LRRC4C: variants seen among roughly 807,000 people sequenced by gnomAD.
LRRC4C encodes leucine rich repeat containing 4C.
In LRRC4C, 5 loss-of-function variants were observed where a neutral mutation model predicts 33.6. That is an observed-to-expected ratio of 0.15 (90% CI 0.08 to 0.31). The LOEUF is 0.31. Among genes scored for constraint, LRRC4C ranks in the 10% least tolerant of loss-of-function variants. LRRC4C has a pLI of 1.00. For missense variants in LRRC4C, 560 were observed against 796.7 expected, an observed-to-expected ratio of 0.70 and a Z score of 3.58; for synonymous variants, 329 against 302.0, an observed-to-expected ratio of 1.09 and a Z score of -0.93.
At chr11:40,458,034 T>C (rs917130319) in intron 3 of LRRC4C, among the ~76,000 whole-genome samples, 1 of 152,170 alleles carries the variant, frequency 6.6e-6, no homozygotes, top group African/African-American at 2.4e-5. Flanking sequence ...AAAAGTGGTT[T>C]GTGCAACTTC....
chr11:40,961,721 A>C (rs981243459), intron 1 of LRRC4C, among the ~76,000 whole-genome samples: 7 of 151,632 alleles, frequency 4.6e-5, no homozygotes, highest in Non-Finnish European at 5.9e-5. Flanking sequence ...TGAGTGGGGG[A>C]AATTTCTGTT....
chr11:40,476,167 A>T (rs991604527), intron 3 of LRRC4C, among the ~76,000 whole-genome samples: 1 of 152,052 alleles, frequency 6.6e-6, no homozygotes, highest in African/African-American at 2.4e-5. Flanking sequence ...TGTGTATTCC[A>T]ACTAGAAGTG....
chr11:40,730,213 T>G (rs189022065), intron 2 of LRRC4C, among the ~76,000 whole-genome samples: 1 of 152,144 alleles, frequency 6.6e-6, no homozygotes, highest in Non-Finnish European at 1.5e-5. Context: ...GTAACTAACC[T>G]GCACACTGTG....
At chr11:40,888,190 G>A (rs754978238) in intron 2 of LRRC4C, among the ~76,000 whole-genome samples, 6 of 151,536 alleles carry the variant, frequency 4.0e-5, no homozygotes, top group Non-Finnish European at 8.8e-5. Context: ...CTTGTTCTCC[G>A]GAAATAAATG....
At chr11:41,004,614 A>G (rs1180891533) in intron 1 of LRRC4C, among the ~76,000 whole-genome samples, 1 of 152,180 alleles carries the variant, frequency 6.6e-6, no homozygotes, top group Admixed American at 6.5e-5. Context: ...GCTTTATTCA[A>G]TTTCACATCA....
At chr11:41,397,759 A>G (rs1415420619) in intron 1 of LRRC4C, among the ~76,000 whole-genome samples, 1 of 151,852 alleles carries the variant, frequency 6.6e-6, no homozygotes, top group Non-Finnish European at 1.5e-5. Context: ...TAGGGCTCTT[A>G]TAAAACTAAG....
chr11:40,961,350 C>A (rs1288510092), intron 1 of LRRC4C, among the ~76,000 whole-genome samples: 2 of 151,532 alleles, frequency 1.3e-5, no homozygotes, highest in Admixed American at 1.3e-4. Flanking sequence ...CATTTTGTTA[C>A]CAGGAAGCAA....
At chr11:40,313,490 A>T (rs1945414774) in intron 4 of LRRC4C, among the ~76,000 whole-genome samples, 2 of 152,046 alleles carry the variant, frequency 1.3e-5, no homozygotes. Context: ...GCAGAAGCAT[A>T]AAACTAGAGT....
At chr11:40,235,452 G>C (rs1565168931) in intron 5 of LRRC4C, among the ~76,000 whole-genome samples, 2 of 152,076 alleles carry the variant, frequency 1.3e-5, no homozygotes, top group Non-Finnish European at 2.9e-5. Flanking sequence ...CATAATATGT[G>C]TCTAAATGTC....
chr11:41,295,997 T>C (rs1442378803), intron 1 of LRRC4C, among the ~76,000 whole-genome samples: 1 of 152,236 alleles, frequency 6.6e-6, no homozygotes, highest in Non-Finnish European at 1.5e-5. Context: ...CAAAGCAATA[T>C]GAGTAAATAA....
chr11:41,026,006 G>T lies in LRRC4C; in HGVS notation c.-495-92283C>A, dbSNP rs559265043. On this transcript the variant is annotated intron_variant, in intron 1 of 6. Transcript: ENST00000528697. ...CCTGGTCACCCAAAAGCTCTGGTAG[G>T]AGATATACAAAGAGATTAATGTTTT... 1.3e-4 allele frequency among the ~76,000 whole-genome samples: 19 copies of T among 151,736 alleles called. No homozygotes were observed. The South Asian group carries it at 3.7e-3, about 30-fold the overall frequency.
chr11:41,271,070 C>T lies in LRRC4C; in HGVS notation c.-496+188361G>A, dbSNP rs141739910. On this transcript the variant is annotated intron_variant, in intron 1 of 6. Coordinates refer to ENST00000528697, the MANE Select transcript of LRRC4C (RefSeq NM_001258419.2). ...ACTTAATTACATCTGCAGAAATAGT[C>T]TTTCCAAATAATGTTACCTTCACAG... 1.4e-3 allele frequency among the ~76,000 whole-genome samples: 209 copies of T among 152,150 alleles called. 1 individual carries two copies. The Middle Eastern group carries it at 0.02, about 15-fold the overall frequency.
intron 1 of LRRC4C, among the ~76,000 whole-genome samples, chr11:40,978,785 C>G (rs1362762188): frequency 2.0e-5 from 3 of 151,728 alleles, no homozygotes; most frequent in African/African-American, 7.3e-5. Flanking sequence ...CCATGCCCGG[C>G]TATTTTTTTT....
chr11:40,923,382 C>T (rs188489611), intron 2 of LRRC4C, among the ~76,000 whole-genome samples: 2 of 152,254 alleles, frequency 1.3e-5, no homozygotes, highest in East Asian at 3.9e-4. Flanking sequence ...TAGTAGGATT[C>T]TACTTTCCAA....
At chr11:41,072,134 G>C (rs1356294976) in intron 1 of LRRC4C, among the ~76,000 whole-genome samples, 1 of 152,020 alleles carries the variant, frequency 6.6e-6, no homozygotes, top group Non-Finnish European at 1.5e-5. Context: ...AAAGGATTCA[G>C]AATATTACAT....
chr11:40,990,247 A>AC (rs2137234997), intron 1 of LRRC4C, among the ~76,000 whole-genome samples: 1 of 136,076 alleles, frequency 7.3e-6, no homozygotes, highest in African/African-American at 2.7e-5. Flanking sequence ...ATATATATAT[A>AC]TATATATATA....
At chr11:41,432,007 G>A (rs1004264071) in intron 1 of LRRC4C, among the ~76,000 whole-genome samples, 1 of 152,138 alleles carries the variant, frequency 6.6e-6, no homozygotes, top group Non-Finnish European at 1.5e-5. Flanking sequence ...GGGGCCATTG[G>A]CCATGTGCCA....
At chr11:41,139,530 A>G (rs1943412029) in intron 1 of LRRC4C, among the ~76,000 whole-genome samples, 1 of 152,176 alleles carries the variant, frequency 6.6e-6, no homozygotes, top group Non-Finnish European at 1.5e-5. Context: ...CAAGTGAGAA[A>G]GCGTAAATTT....
intron 4 of LRRC4C, among the ~76,000 whole-genome samples, chr11:40,250,328 C>G (rs571103648): frequency 6.6e-6 from 1 of 152,276 alleles, no homozygotes; most frequent in Middle Eastern, 3.4e-3. Context: ...CCTATGTAAT[C>G]TTTGTCTATA....
Sources: gnomAD v4.1 joint callset for allele counts (sites outside exome capture counted in the v4.1 genomes callset) on GRCh38, gnomAD v4.1.1 for gene constraint, MANE v1.5 for transcripts, NCBI Gene and HGNC (gene_info 2026-07-23, HGNC 2026-07-21) for gene names.